FRMD3: variants seen among roughly 807,000 people sequenced by gnomAD.
FRMD3 encodes FERM domain containing 3, also known as FERM domain-containing protein 3.
In FRMD3, 33 loss-of-function variants were observed where a neutral mutation model predicts 70.2. That is an observed-to-expected ratio of 0.47 (90% confidence interval 0.36 to 0.63). The LOEUF (loss-of-function observed/expected upper bound fraction) is 0.63. Ranked by LOEUF, FRMD3 falls within the 20% of genes least tolerant of loss-of-function variation. The probability of loss-of-function intolerance (pLI) is 0.00; values close to 1 mark genes in which losing one functional copy is unlikely to be tolerated. For missense variants in FRMD3, 632 were observed against 711.4 expected (o/e 0.89, Z 1.27); for synonymous variants, 279 against 255.9 (o/e 1.09, Z -0.86).
At chr9:83,281,952 A>T (rs1833986944) in intron 13 of FRMD3, among the ~76,000 whole-genome samples, 3 of 152,232 alleles carry the variant, frequency 2.0e-5, no homozygotes. Flanking sequence ...ACTTAAATAA[A>T]ATATGTTGTC....
chr9:83,481,462 G>A (rs1349001926), intron 1 of FRMD3, among the ~76,000 whole-genome samples: 1 of 152,088 alleles, frequency 6.6e-6, no homozygotes, highest in Admixed American at 6.6e-5. Context: ...ATTTTTAGAA[G>A]GCTATCATCC....
intron 1 of FRMD3, among the ~76,000 whole-genome samples, chr9:83,436,368 G>C (rs1022776078): frequency 3.3e-5 from 5 of 151,816 alleles, no homozygotes; most frequent in African/African-American, 1.2e-4. Context: ...GGCTCAAAGG[G>C]CTTTGCTATT....
In FRMD3 at chr9:83,538,258, G is replaced by T. The variant is rs1829946536; in HGVS notation, c.-27C>A. ...CACCGCGGCCGTGGGGAGCGAGCGG[G>T]AGGCTCAGGGCCGGCGCGGTGCTCG... is the stretch of plus-strand genomic sequence containing the variant. On this transcript the variant is annotated 5_prime_UTR_variant, in exon 1 of 14. Coordinates refer to ENST00000304195, the MANE Select transcript of FRMD3 (RefSeq NM_174938.6). This position sits in a 1 kb window ranked among gnomAD's most constrained non-coding sequence, Gnocchi z 4.7. 1 of 1,544,124 alleles carries T rather than the reference G, an allele frequency of 6.5e-7. No individual in the cohort carries two copies.
At chr9:83,583,953 C>A in the FRMD3 span, among the ~76,000 whole-genome samples, 58 of 152,168 alleles carry the variant, frequency 3.8e-4, no homozygotes, top group Non-Finnish European at 6.6e-4. Flanking sequence ...TTTCCTCCTG[C>A]CTCTCTGGCC....
In FRMD3 at chr9:83,283,767, G is replaced by A. The variant is rs145449893; in HGVS notation, c.1195+6836C>T. 7.5e-3 allele frequency among the ~76,000 whole-genome samples: 1,149 copies of A among 152,188 alleles called. 8 individuals are homozygous for A. Among genetic ancestry groups the A allele is most frequent in the Non-Finnish European group, 0.011 (762 of 68,024 alleles). ...TAAGAATGTTCAGGATAGTCCAAGC[G>A]TGTGCAATGCGAAAATGATGCTTAA... On this transcript the variant is annotated intron_variant, in intron 13 of 13. Coordinates refer to ENST00000304195, the MANE Select transcript of FRMD3 (RefSeq NM_174938.6).
chr9:83,544,946 CACA>C, the FRMD3 span, among the ~76,000 whole-genome samples: 11 of 152,076 alleles, frequency 7.2e-5, no homozygotes, highest in Non-Finnish European at 5.9e-5. Flanking sequence ...AAAGGACCAA[CACA>C]ACAATTCCAG....
chr9:83,494,148 GGAA>G (rs1828889284), intron 1 of FRMD3, among the ~76,000 whole-genome samples: 1 of 152,194 alleles, frequency 6.6e-6, no homozygotes, highest in Admixed American at 6.5e-5. Context: ...GGGGCAACTG[GGAA>G]AGGCTAAGCC....
At position 83,389,546 on chromosome 9, in the gene FRMD3, G is replaced by C. The variant is rs769598157; in HGVS notation, c.252+58C>G. On this transcript the variant is annotated intron_variant, in intron 2 of 13. Coordinates refer to ENST00000304195, the MANE Select transcript of FRMD3 (RefSeq NM_174938.6). ...TAGGGCTTTGAGAGGAACCCCCACA[G>C]TGCACCACAGTCTGGGTCACTCCCT... is the stretch of plus-strand genomic sequence containing the variant. 7.5e-5 allele frequency: 84 copies of C among 1,113,826 alleles called. 1 individual carries two copies. The highest frequency in any genetic ancestry group is 1.1e-4 in the Non-Finnish European group (82 of 723,916). The allele number at this position is 1,113,826 out of a possible 1,614,324, so 69.0% of individuals were successfully genotyped here. A position where few individuals can be genotyped will look rare whatever the true frequency, so the allele number is the denominator to read the frequency against.
At chr9:83,257,071 C>CT (rs1832742223) in intron 13 of FRMD3, among the ~76,000 whole-genome samples, 1 of 152,134 alleles carries the variant, frequency 6.6e-6, no homozygotes, top group Non-Finnish European at 1.5e-5. Flanking sequence ...TACATGCATG[C>CT]ATATGTTCAC....
rs1032267843 is a variant in FRMD3 at position 83,369,974 on chromosome 9, C to T, written c.295+2939G>A. 1.2e-4 allele frequency among the ~76,000 whole-genome samples: 18 copies of T among 152,032 alleles called. 1 individual carries two copies. The highest frequency in any genetic ancestry group is 6.2e-4 in the South Asian group (3 of 4,818). ...TTTTTTAACTAGTGAAAAATAATAACGCCATGTTTGTTAATCAGGATAGCT... is the reference window on the plus strand; with the variant it reads ...TTTTTTAACTAGTGAAAAATAATAATGCCATGTTTGTTAATCAGGATAGCT... On this transcript the variant is annotated intron_variant, in intron 3 of 13. Coordinates refer to ENST00000304195, the MANE Select transcript of FRMD3 (RefSeq NM_174938.6).
At chr9:83,312,672 C>A (rs1181939751) in intron 7 of FRMD3, among the ~76,000 whole-genome samples, 2 of 152,192 alleles carry the variant, frequency 1.3e-5, no homozygotes, top group Non-Finnish European at 2.9e-5. Context: ...CTAGTATGGA[C>A]AAGTACCCCT....
chr9:83,527,442 T>C (rs1829707842), intron 1 of FRMD3, among the ~76,000 whole-genome samples: 1 of 152,074 alleles, frequency 6.6e-6, no homozygotes, highest in South Asian at 2.1e-4. Context: ...TCATTGAACA[T>C]CTACTCAAAG....
intron 6 of FRMD3, among the ~76,000 whole-genome samples, chr9:83,326,485 C>G (rs1193269856): frequency 2.0e-5 from 3 of 152,154 alleles, no homozygotes; most frequent in African/African-American, 7.2e-5. Context: ...GAAAAACTAA[C>G]TGCAAATGCT....
At chr9:83,576,293 A>G in the FRMD3 span, among the ~76,000 whole-genome samples, 1 of 152,112 alleles carries the variant, frequency 6.6e-6, no homozygotes, top group Admixed American at 6.6e-5. Flanking sequence ...AGACAAAACC[A>G]TATGATCATC....
the FRMD3 span, among the ~76,000 whole-genome samples, chr9:83,563,155 G>T: frequency 1.3e-5 from 2 of 152,130 alleles, no homozygotes; most frequent in Non-Finnish European, 2.9e-5. Context: ...GGAGAATTAA[G>T]CACCTTCCCA....
chr9:83,568,376 T>C, the FRMD3 span, among the ~76,000 whole-genome samples: 5 of 152,184 alleles, frequency 3.3e-5, no homozygotes, highest in Admixed American at 6.6e-5. Context: ...AAATTATGTA[T>C]TAAATTAATT....
In FRMD3 at chr9:83,507,687, C is replaced by CATATATATAT. The variant is rs60192207; in HGVS notation, c.147+30397_147+30398insATATATATAT. Among the ~76,000 whole-genome samples the CATATATATAT allele has an allele frequency of 5.1e-4, 24 of 46,922 alleles. 1 individual carries two copies. Among genetic ancestry groups the CATATATATAT allele is most frequent in the South Asian group, 1.0e-3 (1 of 978 alleles). The allele number at this position is 46,922 out of a possible 152,430, so 30.8% of individuals were successfully genotyped here. On this transcript the variant is annotated intron_variant, in intron 1 of 13. Coordinates refer to ENST00000304195, the MANE Select transcript of FRMD3 (RefSeq NM_174938.6). Reference sequence around the variant, plus strand: ...TCCGTCTCAAACAAAAAAAAATATACATACATATATATATATATATATATA... The same window carrying CATATATATAT: ...TCCGTCTCAAACAAAAAAAAATATACATATATATATATACATATATATATATATATATATA...
intron 12 of FRMD3, among the ~76,000 whole-genome samples, chr9:83,290,980 C>T (rs1245041828): frequency 6.6e-6 from 1 of 152,008 alleles, no homozygotes; most frequent in African/African-American, 2.4e-5. Flanking sequence ...CATCACCAGC[C>T]CTGAGCATGC....
intron 1 of FRMD3, among the ~76,000 whole-genome samples, chr9:83,459,004 A>T (rs945299692): frequency 2.0e-5 from 3 of 152,202 alleles, no homozygotes; most frequent in Admixed American, 1.3e-4. Context: ...CCACCTGTTC[A>T]TCAAGTTATT....
Sources: allele counts gnomAD v4.1 joint callset (sites outside exome capture counted in the v4.1 genomes callset), GRCh38; gene constraint gnomAD v4.1.1; non-coding constraint Gnocchi (gnomAD v3.1); transcripts MANE v1.5; gene names NCBI Gene and HGNC (gene_info 2026-07-23, HGNC 2026-07-21).